PDZK1: variants seen among roughly 807,000 people sequenced by gnomAD.
The protein encoded by PDZK1 is Na(+)/H(+) exchange regulatory cofactor NHE-RF3.
Under a neutral mutation model 38.1 loss-of-function variants are expected in PDZK1, and 23 were observed. That is an observed-to-expected ratio of 0.60 (90% CI 0.43 to 0.85). The LOEUF is 0.85. Ranked by LOEUF, PDZK1 falls within the 40% of genes least tolerant of loss-of-function variation. PDZK1 has a pLI of 0.00. For missense variants in PDZK1, 297 were observed against 504.3 expected, an observed-to-expected ratio of 0.59 and a Z score of 3.94; for synonymous variants, 98 against 186.2, an observed-to-expected ratio of 0.53 and a Z score of 3.86.
chr1:145,701,808 A>G (rs1327499909), intron 1 of PDZK1, among the ~76,000 whole-genome samples: 6 of 152,234 alleles, frequency 3.9e-5, no homozygotes, highest in Non-Finnish European at 7.3e-5. Flanking sequence ...AGAGATAAAG[A>G]CAACTCAATT....
At chr1:145,706,962 G>C (rs782003863) in intron 1 of PDZK1, among the ~76,000 whole-genome samples, 2 of 151,896 alleles carry the variant, frequency 1.3e-5, no homozygotes, top group South Asian at 4.2e-4. Context: ...GGAAGGTCCC[G>C]GGCATATCCG....
chr1:145,671,944 G>A (rs1276799145), intron 8 of PDZK1, among the ~76,000 whole-genome samples: 2 of 151,608 alleles, frequency 1.3e-5, no homozygotes, highest in Non-Finnish European at 2.9e-5. Context: ...TCATTAAACT[G>A]AGTTTATTAA....
At chr1:145,702,931 G>C (rs1656047532) in intron 1 of PDZK1, among the ~76,000 whole-genome samples, 1 of 152,164 alleles carries the variant, frequency 6.6e-6, no homozygotes, top group Admixed American at 6.5e-5. Flanking sequence ...CAGGCACTGA[G>C]GCTCAGCATA....
At chr1:145,681,437 C>A (rs1654243426) in intron 4 of PDZK1, among the ~76,000 whole-genome samples, 2 of 149,322 alleles carry the variant, frequency 1.3e-5, no homozygotes, top group Admixed American at 1.3e-4. Context: ...TGCCCGCCAC[C>A]GCACCTGGCT....
At chr1:145,687,708 G>T (rs1308148226) in intron 2 of PDZK1, 104 bp downstream of exon 2, 4 of 950,206 alleles carry the variant, frequency 4.2e-6, no homozygotes, top group Non-Finnish European at 6.7e-6. Flanking sequence ...GCCAGTGGCA[G>T]CCAGGAAAGA....
intron 1 of PDZK1, among the ~76,000 whole-genome samples, chr1:145,707,059 C>T (rs145167521): frequency 1.9e-4 from 29 of 152,020 alleles, no homozygotes; most frequent in African/African-American, 6.0e-4. Context: ...TTTCTGAGGT[C>T]GGTTTACCAA....
In PDZK1 at chr1:145,676,121, C is replaced by G. The variant is rs1404298050; in HGVS notation, c.991-2240G>C. 4.6e-6 allele frequency: 4 copies of G among 867,816 alleles called. No individual in the cohort carries two copies. In the African/African-American group the frequency reaches 7.3e-5, roughly 16 times the overall value. The allele number at this position is 867,816 out of a possible 1,614,324, so 53.8% of individuals were successfully genotyped here. On this transcript the variant is annotated intron_variant, in intron 6 of 8. Transcript: ENST00000417171. Reference sequence around the variant, plus strand: ...TTGTGTTTTACTCACTGATGTATCTCAAAGATCTACCCTCCACCCCAACCT... The same window carrying G: ...TTGTGTTTTACTCACTGATGTATCTGAAAGATCTACCCTCCACCCCAACCT...
At position 145,676,419 on chromosome 1, in the gene PDZK1, T is replaced by C. The variant is rs150533370; in HGVS notation, c.990+2030A>G. On this transcript the variant is annotated intron_variant, in intron 6 of 8. Transcript: ENST00000417171. ...GCTCCCTATGGCTTCTCTGGTCCTG[T>C]TGTGCCCCATAGGACACCTTAAAAA... Among the ~76,000 whole-genome samples, 1,065 of 152,024 alleles carry C rather than the reference T, an allele frequency of 7.0e-3. 13 individuals carry two copies. Among genetic ancestry groups the C allele is most frequent in the African/African-American group, 0.024 (991 of 41,432 alleles).
At chr1:145,687,768 G>T in intron 2 of PDZK1, 44 bp downstream of exon 2, 1 of 1,488,812 alleles carries the variant, frequency 6.7e-7, no homozygotes. Flanking sequence ...AAGATGTGGG[G>T]GCTGAAGAGA....
chr1:145,703,239 G>A (rs1656068377), intron 1 of PDZK1, among the ~76,000 whole-genome samples: 1 of 152,154 alleles, frequency 6.6e-6, no homozygotes, highest in African/African-American at 2.4e-5. Flanking sequence ...CTACTGCGAG[G>A]CAGGTATCAG....
chr1:145,686,310 G>T (rs2101901165), intron 3 of PDZK1, among the ~76,000 whole-genome samples, 167 bp downstream of exon 3: 1 of 152,296 alleles, frequency 6.6e-6, no homozygotes, highest in South Asian at 2.1e-4. Flanking sequence ...CAAGGGAAAG[G>T]GCAGGGAGGG....
intron 1 of PDZK1, among the ~76,000 whole-genome samples, chr1:145,704,780 C>T (rs1359736549): frequency 6.6e-6 from 1 of 152,202 alleles, no homozygotes; most frequent in Non-Finnish European, 1.5e-5. Flanking sequence ...CATCCCTATG[C>T]AACGAATGCA....
chr1:145,677,045 G>A (rs1653751974), intron 6 of PDZK1, among the ~76,000 whole-genome samples: 1 of 152,196 alleles, frequency 6.6e-6, no homozygotes, highest in African/African-American at 2.4e-5. Flanking sequence ...CACAGAGAGA[G>A]GTGGTAACTA....
chr1:145,691,942 A>T (rs1655260708), intron 1 of PDZK1: 1 of 152,104 alleles, frequency 6.6e-6, no homozygotes, highest in Admixed American at 6.6e-5. Context: ...GCAGACAGGA[A>T]CCGCTCGGGG....
In PDZK1 at chr1:145,690,427, G is replaced by T. The variant is rs115880774; in HGVS notation, c.-2-2404C>A. 4.4e-3 allele frequency among the ~76,000 whole-genome samples: 666 copies of T among 152,214 alleles called. 3 individuals are homozygous for T. Among genetic ancestry groups the T allele is most frequent in the Non-Finnish European group, 7.3e-3 (496 of 68,006 alleles). Reference sequence around the variant, plus strand: ...AGACAGTAATTACATAAATGAATAGGATCATTTCAGATAATGATATTTGCT... The same window carrying T: ...AGACAGTAATTACATAAATGAATAGTATCATTTCAGATAATGATATTTGCT... On this transcript the variant is annotated intron_variant, in intron 1 of 8. Transcript: ENST00000417171.
chr1:145,684,594 C>G (rs1654588272), intron 3 of PDZK1, among the ~76,000 whole-genome samples: 1 of 152,124 alleles, frequency 6.6e-6, no homozygotes, highest in African/African-American at 2.4e-5. Context: ...ATATAATGAA[C>G]AAATCAGGGT....
chr1:145,703,699 T>C (rs1386779370), intron 1 of PDZK1, among the ~76,000 whole-genome samples: 1 of 152,006 alleles, frequency 6.6e-6, no homozygotes, highest in Non-Finnish European at 1.5e-5. Context: ...TGGTGAATGG[T>C]TCAGAAAGAT....
chr1:145,704,568 T>C (rs1656149889), intron 1 of PDZK1, among the ~76,000 whole-genome samples: 1 of 152,180 alleles, frequency 6.6e-6, no homozygotes, highest in African/African-American at 2.4e-5. Flanking sequence ...CCCATTTGAC[T>C]GACAAGGAAA....
chr1:145,682,604 G>T lies in PDZK1; in HGVS notation c.493C>A (p.Pro165Thr). The part of the protein sequence containing the change: ...KKGVYMTDIT[P>T]QGVAMRAGVL... ...CCAGCTCTCATAGCCACACCTTGAG[G>T]TGTAATATCAGTCATGTACACCCCC... is the stretch of plus-strand genomic sequence containing the variant. The change falls in exon 4 of 9, where the codon CCT (proline) becomes ACT (threonine). Residue 165 changes from proline to threonine, a missense_variant. Physicochemically the swap from Pro to Thr is conservative, Grantham distance 38. Around this residue, in one of 5 missense-constraint regions of PDZK1, gnomAD observed 159 missense variants for 200.0 expected, o/e 0.79. Transcript: ENST00000417171. 6.2e-7 allele frequency: 1 copy of T among 1,611,878 alleles called. No homozygotes were observed.
Sources: gnomAD v4.1 joint callset for allele counts (sites outside exome capture counted in the v4.1 genomes callset) on GRCh38, gnomAD v4.1.1 for gene constraint, gnomAD v4.1.1 regional missense constraint, MANE v1.5 for transcripts, NCBI Gene and HGNC (gene_info 2026-07-23, HGNC 2026-07-21) for gene names.